Variants in BMERB1 observed in about 807,000 individuals in gnomAD.
BMERB1 encodes bMERB domain containing 1.
In BMERB1, 12 loss-of-function variants were observed where a neutral mutation model predicts 23.6. The ratio of observed to expected loss-of-function variants is 0.51; its 90% CI spans 0.33 to 0.82. The LOEUF is 0.82. Ranked by LOEUF, BMERB1 falls within the 40% of genes least tolerant of loss-of-function variation. BMERB1 has a pLI of 0.03. For synonymous variants in BMERB1, 122 were observed against 96.6 expected (o/e 1.26, Z -1.54); for missense variants, 247 against 255.4 (o/e 0.97, Z 0.22).
At chr16:15,578,044 G>A (rs954271286) in intron 3 of BMERB1, among the ~76,000 whole-genome samples, 7 of 152,164 alleles carry the variant, frequency 4.6e-5, no homozygotes, top group Admixed American at 6.5e-5. Flanking sequence ...ATCACCTGAT[G>A]GTTGCCTGGC....
At chr16:15,492,312 A>T (rs2051428575) in intron 1 of BMERB1, among the ~76,000 whole-genome samples, 1 of 152,036 alleles carries the variant, frequency 6.6e-6, no homozygotes, top group African/African-American at 2.4e-5. Context: ...ACCCTTCCCA[A>T]ACCACCAGTT....
intron 2 of BMERB1, among the ~76,000 whole-genome samples, chr16:15,559,949 C>A (rs1013849234): frequency 1.4e-4 from 22 of 151,900 alleles, no homozygotes; most frequent in Admixed American, 1.1e-3. Context: ...AAATCACACA[C>A]AAAAAAAATC....
intron 1 of BMERB1, among the ~76,000 whole-genome samples, chr16:15,478,930 C>A (rs982678889): frequency 1.3e-5 from 2 of 152,168 alleles, no homozygotes; most frequent in African/African-American, 4.8e-5. Flanking sequence ...TTCTGAAGCA[C>A]AATGGTTGTC....
At chr16:15,468,101 C>A (rs1331189926) in intron 1 of BMERB1, among the ~76,000 whole-genome samples, 1 of 119,804 alleles carries the variant, frequency 8.3e-6, no homozygotes, top group African/African-American at 3.1e-5. Flanking sequence ...TTTTTTTTTA[C>A]TTTTTCTTTT....
chr16:15,520,261 T>C (rs561153804), intron 2 of BMERB1, among the ~76,000 whole-genome samples: 2 of 152,240 alleles, frequency 1.3e-5, no homozygotes, highest in African/African-American at 4.8e-5. Flanking sequence ...TGTTCTGTTA[T>C]CTTTATTCTC....
intron 1 of BMERB1, among the ~76,000 whole-genome samples, chr16:15,465,244 C>T (rs1474403973): frequency 1.3e-5 from 2 of 151,922 alleles, no homozygotes; most frequent in Admixed American, 6.6e-5. Context: ...GACATACAAA[C>T]GGATATAAAT....
At chr16:15,440,118 G>A (rs1178574885) in intron 1 of BMERB1, among the ~76,000 whole-genome samples, 6 of 151,782 alleles carry the variant, frequency 4.0e-5, no homozygotes, top group African/African-American at 1.2e-4. Context: ...GGTGATGGGC[G>A]CCTATAGTCC....
At chr16:15,532,982 T>G (rs748532210) in intron 2 of BMERB1, 4 of 455,592 alleles carry the variant, frequency 8.8e-6, no homozygotes, top group South Asian at 3.1e-5. Context: ...CTCTGCCATT[T>G]ATAGGCTGTG....
intron 1 of BMERB1, among the ~76,000 whole-genome samples, chr16:15,440,734 G>A (rs1598439914): frequency 6.6e-6 from 1 of 152,164 alleles, no homozygotes; most frequent in East Asian, 1.9e-4. Context: ...ACAAGTGCCA[G>A]GAAGTGTTCT....
chr16:15,527,479 C>T lies in BMERB1; in HGVS notation c.230+12051C>T, dbSNP rs1050332199. On this transcript the variant is annotated intron_variant, in intron 2 of 5. Coordinates refer to ENST00000300006, the MANE Select transcript of BMERB1 (RefSeq NM_033201.3). Reference sequence around the variant, plus strand: ...AATTAGCCAGGCGTGGTGGCGCACACCTGTAGTCCCAGCTACTCAGGAGGC... The same window carrying T: ...AATTAGCCAGGCGTGGTGGCGCACATCTGTAGTCCCAGCTACTCAGGAGGC... Among the ~76,000 whole-genome samples the T allele has an allele frequency of 3.3e-5, 5 of 152,116 alleles. No individual in the cohort carries two copies. In the South Asian group the frequency reaches 1.0e-3, roughly 32 times the overall value.
intron 3 of BMERB1, among the ~76,000 whole-genome samples, chr16:15,577,616 T>C (rs189462618): frequency 4.7e-4 from 71 of 152,186 alleles, no homozygotes; most frequent in Non-Finnish European, 6.9e-4. Flanking sequence ...CGCTTGACCT[T>C]TGATTTGGGG....
chr16:15,563,254 G>T (rs926471548), intron 2 of BMERB1, among the ~76,000 whole-genome samples: 1 of 152,012 alleles, frequency 6.6e-6, no homozygotes, highest in Admixed American at 6.6e-5. Context: ...TTGGGACGGA[G>T]ACTCGCTCTG....
intron 1 of BMERB1, among the ~76,000 whole-genome samples, chr16:15,442,964 AG>A (rs1257450010): frequency 2.6e-5 from 4 of 152,106 alleles, no homozygotes; most frequent in African/African-American, 9.7e-5. Flanking sequence ...AGAACACCAC[AG>A]GGCCGGGCGT....
At chr16:15,506,183 C>CT (rs1353624437) in intron 1 of BMERB1, among the ~76,000 whole-genome samples, 38 of 149,106 alleles carry the variant, frequency 2.5e-4, no homozygotes, top group South Asian at 6.4e-4. Flanking sequence ...TTTCTTTTTT[C>CT]TTTTATTTTT....
intron 2 of BMERB1, among the ~76,000 whole-genome samples, chr16:15,559,865 C>T (rs2030369179): frequency 6.6e-6 from 1 of 151,984 alleles, no homozygotes; most frequent in African/African-American, 2.4e-5. Context: ...CTTCCCTGGG[C>T]CACATTGGAA....
intron 1 of BMERB1, among the ~76,000 whole-genome samples, chr16:15,457,102 A>AG (rs1487695961): frequency 5.3e-5 from 8 of 152,210 alleles, no homozygotes; most frequent in Admixed American, 5.2e-4. Context: ...CTGGGATTGT[A>AG]GGCATGAGGC....
At chr16:15,506,237 G>A (rs2051589904) in intron 1 of BMERB1, among the ~76,000 whole-genome samples, 1 of 151,622 alleles carries the variant, frequency 6.6e-6, no homozygotes, top group Non-Finnish European at 1.5e-5. Context: ...GTGCCGCGGT[G>A]CGATCTCTGC....
chr16:15,551,167 C>T (rs564183159), intron 2 of BMERB1, among the ~76,000 whole-genome samples: 1 of 152,180 alleles, frequency 6.6e-6, no homozygotes, highest in South Asian at 2.1e-4. Context: ...TTGATAGATG[C>T]GATTGCCCTC....
intron 3 of BMERB1, among the ~76,000 whole-genome samples, chr16:15,576,116 G>A (rs1372690418): frequency 6.7e-6 from 1 of 149,218 alleles, no homozygotes; most frequent in Non-Finnish European, 1.5e-5. Flanking sequence ...TGGGTTCACT[G>A]CAGTCTCCGC....
Sources: gnomAD v4.1 joint callset for allele counts (sites outside exome capture counted in the v4.1 genomes callset) on GRCh38, gnomAD v4.1.1 for gene constraint, MANE v1.5 for transcripts, NCBI Gene and HGNC (gene_info 2026-07-23, HGNC 2026-07-21) for gene names.